PPP2R5C: variants seen among roughly 807,000 people sequenced by gnomAD.
PPP2R5C encodes protein phosphatase 2 regulatory subunit B'gamma, also known as serine/threonine-protein phosphatase 2A 56 kDa regulatory subunit gamma isoform.
In PPP2R5C, 7 loss-of-function variants were observed where a neutral mutation model predicts 68.9. That is an observed-to-expected ratio of 0.10 (90% CI 0.06 to 0.19). PPP2R5C has a LOEUF of 0.19. PPP2R5C is among the 10% of genes least tolerant of loss of function. The probability of loss-of-function intolerance (pLI) is 1.00; values close to 1 mark genes in which losing one functional copy is unlikely to be tolerated. For missense variants in PPP2R5C, 348 were observed against 641.3 expected (o/e 0.54, Z 4.94); for synonymous variants, 210 against 222.2 (o/e 0.95, Z 0.49).
intron 10 of PPP2R5C, among the ~76,000 whole-genome samples, chr14:101,907,255 C>T (rs1459003837): frequency 6.6e-6 from 1 of 152,080 alleles, no homozygotes; most frequent in Admixed American, 6.5e-5. Context: ...ACTTCAGCCT[C>T]GACCTCCTGG....
chr14:101,871,920 G>A (rs2043444383), intron 2 of PPP2R5C, among the ~76,000 whole-genome samples: 1 of 151,726 alleles, frequency 6.6e-6, no homozygotes, highest in African/African-American at 2.4e-5. Context: ...CAGCCTTTCC[G>A]CTATTATCAT....
chr14:101,810,107 A>AT, intron 1 of PPP2R5C: 1 of 1,402,436 alleles, frequency 7.1e-7, no homozygotes, highest in East Asian at 2.3e-5. Context: ...TGTGCTTCAG[A>AT]TAAGAAAAGC....
chr14:101,886,067 G>T lies in PPP2R5C; in HGVS notation c.629+2505G>T, dbSNP rs1349765128. Among the ~76,000 whole-genome samples the T allele has an allele frequency of 2.0e-5, 3 of 151,968 alleles. No homozygotes were observed. The East Asian group carries it at 5.8e-4, about 29-fold the overall frequency. On this transcript the variant is annotated intron_variant, in intron 5 of 13. Coordinates refer to ENST00000334743, the Ensembl canonical transcript of PPP2R5C. ...GAGGCCGAGGCGGGCAGATCACAAG[G>T]TCAGGAGATCGAGACCATACTGGCT... is the stretch of plus-strand genomic sequence containing the variant.
At chr14:101,862,933 C>G (rs186015332) in intron 2 of PPP2R5C, among the ~76,000 whole-genome samples, 54 of 152,036 alleles carry the variant, frequency 3.6e-4, no homozygotes, top group Admixed American at 6.5e-4. Context: ...AATCCTCCCC[C>G]TCCCCCTGCC....
intron 2 of PPP2R5C, among the ~76,000 whole-genome samples, chr14:101,866,782 T>C (rs1030915441): frequency 1.3e-5 from 2 of 152,194 alleles, no homozygotes; most frequent in African/African-American, 4.8e-5. Flanking sequence ...ACTTTTGTAA[T>C]TTTTAAAAAA....
chr14:101,797,501 A>G lies in PPP2R5C; in HGVS notation c.259+11318A>G, dbSNP rs2038669462. The G allele has an allele frequency of 3.2e-6, 1 of 315,676 alleles. No homozygotes were observed. Among genetic ancestry groups the G allele is most frequent in the Non-Finnish European group, 6.4e-6 (1 of 157,102 alleles). The allele number at this position is 315,676 out of a possible 1,614,324, so 19.6% of individuals were successfully genotyped here. On this transcript the variant is annotated intron_variant, in intron 3 of 14. Transcript: ENST00000328724. The surrounding 1 kb of genome is among the most constrained non-coding windows in gnomAD (Gnocchi z 4.2). ...TCTGCCCTCTTTCTCCACCCTCTCC[A>G]TTTTCACCGAGATGGTTGTGGTGTC...
chr14:101,924,267 G>A, intron 13 of PPP2R5C, among the ~76,000 whole-genome samples: 1 of 151,616 alleles, frequency 6.6e-6, no homozygotes. Context: ...AAATCCTCAT[G>A]CAAAAATGGG....
intron 12 of PPP2R5C, among the ~76,000 whole-genome samples, chr14:101,914,805 C>T (rs1211683289): frequency 6.6e-6 from 1 of 152,228 alleles, no homozygotes; most frequent in Non-Finnish European, 1.5e-5. Flanking sequence ...CAGTTTCTAA[C>T]ATAAATGTGT....
At chr14:101,883,651 A>C in intron 5 of PPP2R5C, 89 bp downstream of exon 7, 1 of 1,480,424 alleles carries the variant, frequency 6.8e-7, no homozygotes, top group South Asian at 1.3e-5. Flanking sequence ...CTCCTCTGAC[A>C]GGACTCAGCA....
intron 1 of PPP2R5C, chr14:101,833,323 T>G (rs2040870224): frequency 6.6e-6 from 1 of 152,388 alleles, no homozygotes. Context: ...TCCCAGCCGT[T>G]CTGGTAATGA....
chr14:101,823,197 A>G (rs1476279569), intron 1 of PPP2R5C, among the ~76,000 whole-genome samples: 1 of 152,234 alleles, frequency 6.6e-6, no homozygotes, highest in Non-Finnish European at 1.5e-5. Flanking sequence ...ATGGGGACCT[A>G]TCAGCCAAGC....
chr14:101,896,266 C>A (rs867069860), intron 8 of PPP2R5C, among the ~76,000 whole-genome samples: 1 of 151,756 alleles, frequency 6.6e-6, no homozygotes, highest in Non-Finnish European at 1.5e-5. Flanking sequence ...GTGATCCACC[C>A]GCCTCAGCCT....
chr14:101,786,972 A>G (rs1291863639), intron 3 of PPP2R5C, among the ~76,000 whole-genome samples: 1 of 152,186 alleles, frequency 6.6e-6, no homozygotes. Context: ...TAATTCAGCA[A>G]CCAGTCCAGT....
Position 101,906,277 on chromosome 14 carries a change from G to T in PPP2R5C, c.1024-125G>T. ...TTACAGTCTAGAATATTTTGAATTT[G>T]TAGAAATAATCATAATTTTCTGGTC... On this transcript the variant is annotated intron_variant, in intron 9 of 13. Coordinates refer to ENST00000334743, the Ensembl canonical transcript of PPP2R5C. The surrounding 1 kb of genome is among the most constrained non-coding windows in gnomAD (Gnocchi z 4.0). 9.3e-7 allele frequency: 1 copy of T among 1,075,386 alleles called. No individual in the cohort carries two copies. The allele number at this position is 1,075,386 out of a possible 1,614,324, so 66.6% of individuals were successfully genotyped here. A position where few individuals can be genotyped will look rare whatever the true frequency, so the allele number is the denominator to read the frequency against.
At chr14:101,831,322 A>G (rs1821523840) in intron 1 of PPP2R5C, among the ~76,000 whole-genome samples, 1 of 152,244 alleles carries the variant, frequency 6.6e-6, no homozygotes, top group Admixed American at 6.5e-5. Flanking sequence ...CTACATCCAG[A>G]AAAGAATTTG....
intron 1 of PPP2R5C, among the ~76,000 whole-genome samples, chr14:101,847,389 T>C (rs540983924): frequency 6.6e-6 from 1 of 152,318 alleles, no homozygotes; most frequent in South Asian, 2.1e-4. Flanking sequence ...TGAGTGCCTC[T>C]AGACAGTCTC....
At chr14:101,845,880 GTC>G (rs1270565610) in intron 1 of PPP2R5C, among the ~76,000 whole-genome samples, 1 of 152,214 alleles carries the variant, frequency 6.6e-6, no homozygotes, top group Non-Finnish European at 1.5e-5. Context: ...GCCATGGGTT[GTC>G]TCTATCCAAA....
At chr14:101,810,134 C>T (rs1472259581) in intron 1 of PPP2R5C, 16 of 1,115,960 alleles carry the variant, frequency 1.4e-5, no homozygotes, top group African/African-American at 3.1e-5. Flanking sequence ...TCCTTTCTAG[C>T]AGAATTCACC....
At chr14:101,925,533 A>G (rs1345995944) in exon 14 of PPP2R5C, 2 of 369,100 alleles carry the variant, frequency 5.4e-6, no homozygotes, top group Non-Finnish European at 9.6e-6. Flanking sequence ...AAGTCAGACT[A>G]TTTCACAAAG....
Sources: gnomAD v4.1 joint callset for allele counts (sites outside exome capture counted in the v4.1 genomes callset) on GRCh38, gnomAD v4.1.1 for gene constraint, Gnocchi (gnomAD v3.1) non-coding constraint, MANE v1.5 for transcripts, NCBI Gene and HGNC (gene_info 2026-07-23, HGNC 2026-07-21) for gene names.